The following AIG1 variants were observed in gnomAD, a reference collection of about 807,000 sequenced individuals.
AIG1 encodes androgen-induced gene 1 protein.
AIG1 carries 23 observed loss-of-function variants against 31.4 expected under a neutral mutation model. That is an observed-to-expected ratio of 0.73 (90% CI 0.53 to 1.04). The LOEUF (loss-of-function observed/expected upper bound fraction) is 1.04. AIG1 is among the 50% of genes least tolerant of loss of function. The pLI is 0.00. For missense variants in AIG1, 274 were observed against 295.0 expected (o/e 0.93, Z 0.52); for synonymous variants, 100 against 110.5 (o/e 0.90, Z 0.60).
intron 4 of AIG1, among the ~76,000 whole-genome samples, chr6:143,289,506 G>A (rs1286935960): frequency 6.6e-6 from 1 of 152,090 alleles, no homozygotes; most frequent in African/African-American, 2.4e-5. Context: ...CCCAGAGGGG[G>A]TCCATTCAGT....
At chr6:143,254,032 C>A (rs891197938) in intron 3 of AIG1, among the ~76,000 whole-genome samples, 3 of 152,134 alleles carry the variant, frequency 2.0e-5, no homozygotes, top group Admixed American at 1.3e-4. Flanking sequence ...TCCCACGGAC[C>A]GTTTCCTCTT....
intron 3 of AIG1, among the ~76,000 whole-genome samples, chr6:143,224,223 C>T (rs1351468341): frequency 1.3e-5 from 2 of 152,196 alleles, no homozygotes; most frequent in Non-Finnish European, 2.9e-5. Context: ...GTCTTTCCAG[C>T]GCCTTAAGAC....
chr6:143,180,771 T>G (rs1355921446), intron 3 of AIG1, among the ~76,000 whole-genome samples: 2 of 152,170 alleles, frequency 1.3e-5, no homozygotes, highest in Non-Finnish European at 2.9e-5. Context: ...CCCATGTAAT[T>G]TATGAGGAGA....
Position 143,119,545 on chromosome 6 carries a change from G to A in AIG1, c.142-17290G>A, listed in dbSNP as rs537504500. Among the ~76,000 whole-genome samples the A allele has an allele frequency of 1.4e-4, 21 of 152,308 alleles. No individual in the cohort carries two copies. The South Asian group carries it at 3.9e-3, about 29-fold the overall frequency. On this transcript the variant is annotated intron_variant, in intron 1 of 5. Coordinates refer to ENST00000357847, the MANE Select transcript of AIG1 (RefSeq NM_016108.4). ...GGGCTTTCTACACTCCAGTGGCAGC[G>A]TGGGCCTTACAAAACTGTAGGGCCT...
At position 143,333,980 on chromosome 6, in the gene AIG1, G is replaced by C; in HGVS notation, c.679+535G>C. The C allele has an allele frequency of 7.4e-7, 1 of 1,349,698 alleles. No homozygotes were observed. Among genetic ancestry groups the C allele is most frequent in the Non-Finnish European group, 1.0e-6 (1 of 974,228 alleles). The allele number at this position is 1,349,698 out of a possible 1,614,324, so 83.6% of individuals were successfully genotyped here. ...AGTGGCTGTCACGGAAAGTCTGAAA[G>C]TGGCAAAGAGCTACAAGCAGTAAAA... is the stretch of plus-strand genomic sequence containing the variant. On this transcript the variant is annotated intron_variant, in intron 5 of 5. Coordinates refer to ENST00000357847, the MANE Select transcript of AIG1 (RefSeq NM_016108.4). This position sits in a 1 kb window ranked among gnomAD's most constrained non-coding sequence, Gnocchi z 4.6.
upstream of AIG1, among the ~76,000 whole-genome samples, chr6:143,059,230 C>T (rs1244370057): frequency 6.6e-6 from 1 of 152,198 alleles, no homozygotes; most frequent in African/African-American, 2.4e-5. Flanking sequence ...GCTCCAGTCC[C>T]CTTTCATGCT....
At chr6:143,082,242 C>T (rs1006277389) in intron 1 of AIG1, among the ~76,000 whole-genome samples, 4 of 152,172 alleles carry the variant, frequency 2.6e-5, no homozygotes, top group African/African-American at 4.8e-5. Flanking sequence ...GGATTACTTT[C>T]AAGTATTCCA....
intron 4 of AIG1, among the ~76,000 whole-genome samples, chr6:143,306,700 A>T (rs1799338675): frequency 6.6e-6 from 1 of 151,598 alleles, no homozygotes; most frequent in Non-Finnish European, 1.5e-5. Flanking sequence ...CTTCTCGAGG[A>T]GTATCTTTGT....
intron 2 of AIG1, among the ~76,000 whole-genome samples, chr6:143,142,356 A>G (rs926158022): frequency 6.6e-6 from 1 of 152,232 alleles, no homozygotes; most frequent in East Asian, 1.9e-4. Flanking sequence ...TACAGGGACA[A>G]GCTACCATAC....
intron 1 of AIG1, among the ~76,000 whole-genome samples, chr6:143,108,594 T>G (rs1382378242): frequency 1.3e-5 from 2 of 152,216 alleles, no homozygotes; most frequent in African/African-American, 4.8e-5. Flanking sequence ...ATTACACTTT[T>G]AACTGTATGT....
chr6:143,116,454 A>G (rs1781745114), intron 1 of AIG1, among the ~76,000 whole-genome samples: 1 of 152,004 alleles, frequency 6.6e-6, no homozygotes, highest in Non-Finnish European at 1.5e-5. Context: ...AGGGAATAAA[A>G]TATACAAAAA....
At chr6:143,266,732 G>C (rs544859605) in intron 3 of AIG1, among the ~76,000 whole-genome samples, 6 of 151,920 alleles carry the variant, frequency 3.9e-5, no homozygotes, top group African/African-American at 1.2e-4. Context: ...TCACTTGAGG[G>C]CAGGAGTTTG....
At chr6:143,085,493 T>G (rs1778680748) in intron 1 of AIG1, among the ~76,000 whole-genome samples, 1 of 152,174 alleles carries the variant, frequency 6.6e-6, no homozygotes. Context: ...TGCCCAACAT[T>G]GCCTTTGTGC....
At chr6:143,181,521 A>C (rs1788716654) in intron 3 of AIG1, among the ~76,000 whole-genome samples, 1 of 152,228 alleles carries the variant, frequency 6.6e-6, no homozygotes, top group South Asian at 2.1e-4. Context: ...TAGATTTTGC[A>C]GATTTAAATT....
intron 1 of AIG1, among the ~76,000 whole-genome samples, chr6:143,104,115 G>A (rs1780586419): frequency 6.6e-6 from 1 of 152,192 alleles, no homozygotes; most frequent in Non-Finnish European, 1.5e-5. Flanking sequence ...GTGAGGGTTG[G>A]TCTATACTGG....
chr6:143,321,244 A>C (rs1776184501), intron 4 of AIG1, among the ~76,000 whole-genome samples: 1 of 151,906 alleles, frequency 6.6e-6, no homozygotes. Flanking sequence ...TTACCTGAAA[A>C]CTCATCATGT....
At chr6:143,342,371 G>C, downstream of AIG1, 1 of 680,058 alleles carries the variant, frequency 1.5e-6, no homozygotes, top group Non-Finnish European at 2.7e-6. Flanking sequence ...TTAGACGCAG[G>C]TTTAACTTCT....
Position 143,221,832 on chromosome 6 carries a change from T to A in AIG1, c.399+56649T>A, listed in dbSNP as rs115931704. Among the ~76,000 whole-genome samples the A allele has an allele frequency of 7.8e-3, 1,195 of 152,330 alleles. 14 individuals carry two copies. The highest frequency in any genetic ancestry group is 0.026 in the African/African-American group (1,081 of 41,570). ...AAGAAATCCTAGCTGTTGTGATTACTGTATTTCTTTCTTGATGCTGAACAG... is the reference window on the plus strand; with the variant it reads ...AAGAAATCCTAGCTGTTGTGATTACAGTATTTCTTTCTTGATGCTGAACAG... On this transcript the variant is annotated intron_variant, in intron 3 of 5. Coordinates refer to ENST00000357847, the MANE Select transcript of AIG1 (RefSeq NM_016108.4).
At chr6:143,313,693 A>G (rs746792761) in intron 4 of AIG1, among the ~76,000 whole-genome samples, 4 of 152,134 alleles carry the variant, frequency 2.6e-5, no homozygotes, top group Non-Finnish European at 5.9e-5. Flanking sequence ...CTAAAAGAGT[A>G]TAACTGGAAT....
Sources: gnomAD v4.1 joint callset for allele counts (sites outside exome capture counted in the v4.1 genomes callset) on GRCh38, gnomAD v4.1.1 for gene constraint, Gnocchi (gnomAD v3.1) non-coding constraint, MANE v1.5 for transcripts, NCBI Gene and HGNC (gene_info 2026-07-23, HGNC 2026-07-21) for gene names.